The following APBA2 variants were observed in gnomAD, a reference collection of about 807,000 sequenced individuals.
APBA2 encodes the protein amyloid-beta A4 precursor protein-binding family A member 2.
In APBA2, 30 loss-of-function variants were observed where a neutral mutation model predicts 75.0. The observed-to-expected ratio is 0.40, with a 90% CI of 0.30 to 0.54. APBA2 has a LOEUF of 0.54. Ranked by LOEUF, APBA2 falls within the 20% of genes least tolerant of loss-of-function variation. APBA2 has a pLI of 0.49. For missense variants in APBA2, 801 were observed against 1,016.1 expected, an observed-to-expected ratio of 0.79 and a Z score of 2.88; for synonymous variants, 444 against 409.6, an observed-to-expected ratio of 1.08 and a Z score of -1.01.
chr15:28,936,607 T>A (rs971568628), intron 2 of APBA2, among the ~76,000 whole-genome samples: 3 of 152,232 alleles, frequency 2.0e-5, no homozygotes, highest in Admixed American at 6.5e-5. Flanking sequence ...GTGTCTCCTT[T>A]GTTCCTCTCT....
At chr15:29,084,235 G>A (rs997367214) in intron 6 of APBA2, among the ~76,000 whole-genome samples, 6 of 152,186 alleles carry the variant, frequency 3.9e-5, no homozygotes, top group Non-Finnish European at 8.8e-5. Flanking sequence ...AAACAAGAAT[G>A]ATTTTTGCTG....
chr15:29,029,529 C>T (rs1595770899), intron 3 of APBA2, among the ~76,000 whole-genome samples: 2 of 152,186 alleles, frequency 1.3e-5, no homozygotes, highest in South Asian at 4.2e-4. Flanking sequence ...TGTTTTTGTT[C>T]TTTAACTATC....
chr15:29,107,191 T>C (rs183959710), intron 12 of APBA2, among the ~76,000 whole-genome samples: 101 of 152,210 alleles, frequency 6.6e-4, no homozygotes, highest in African/African-American at 2.4e-3. Flanking sequence ...GGAAACCCCC[T>C]CAGTGCTGGT....
chr15:29,105,287 C>T (rs1162746013), intron 10 of APBA2, 92 bp from the exon 11 acceptor site: 2 of 1,320,926 alleles, frequency 1.5e-6, no homozygotes, highest in Non-Finnish European at 2.1e-6. Context: ...ATGGGTGCAT[C>T]CTGCACCCAG....
At chr15:28,941,187 T>C (rs975115596) in intron 2 of APBA2, among the ~76,000 whole-genome samples, 3 of 152,098 alleles carry the variant, frequency 2.0e-5, no homozygotes, top group African/African-American at 7.2e-5. Context: ...AGGTGGCAGG[T>C]TGGGAGGTTC....
chr15:29,001,576 A>G (rs572182615), intron 3 of APBA2, among the ~76,000 whole-genome samples: 30 of 152,310 alleles, frequency 2.0e-4, no homozygotes, highest in Admixed American at 1.8e-3. Context: ...GGGGGCGGGT[A>G]GATTGTGAGA....
At chr15:28,935,509 G>A (rs903875818) in intron 2 of APBA2, among the ~76,000 whole-genome samples, 2 of 152,224 alleles carry the variant, frequency 1.3e-5, no homozygotes, top group Admixed American at 1.3e-4. Context: ...GGCGTAGGAC[G>A]CTAGGGGGCG....
Position 29,046,319 on chromosome 15 carries a change from C to G in APBA2, c.-40-7526C>G, listed in dbSNP as rs938285856. 6.6e-6 allele frequency among the ~76,000 whole-genome samples: 1 copy of G among 152,186 alleles called. No homozygotes were observed. Among genetic ancestry groups the G allele is most frequent in the East Asian group, 1.9e-4 (1 of 5,196 alleles). On this transcript the variant is annotated intron_variant, in intron 3 of 14. Transcript: ENST00000683413. The surrounding 1 kb of genome is among the most constrained non-coding windows in gnomAD (Gnocchi z 5.0). ...TTGCCCACCTTTCCTTCTCACCTCC[C>G]CTTGGCCACACCCCACTTTTGTGTC...
chr15:29,097,030 G>A (rs1177767040), intron 8 of APBA2, among the ~76,000 whole-genome samples: 1 of 152,222 alleles, frequency 6.6e-6, no homozygotes, highest in African/African-American at 2.4e-5. Context: ...TACAGGTGAC[G>A]AATTAGGCCA....
At chr15:28,950,906 A>G (rs1424458171) in intron 2 of APBA2, among the ~76,000 whole-genome samples, 2 of 152,112 alleles carry the variant, frequency 1.3e-5, no homozygotes, top group Non-Finnish European at 2.9e-5. Context: ...TATTTATTTT[A>G]TTGCTCAAAC....
intron 3 of APBA2, among the ~76,000 whole-genome samples, chr15:29,041,761 A>C (rs1039985592): frequency 6.6e-6 from 1 of 152,188 alleles, no homozygotes; most frequent in African/African-American, 2.4e-5. Flanking sequence ...GATATTGATA[A>C]TGGGATTCTA....
intron 5 of APBA2, 23 bp downstream of exon 5, chr15:29,075,024 G>C (rs1393402274): frequency 1.3e-6 from 2 of 1,570,446 alleles, no homozygotes; most frequent in East Asian, 4.5e-5. Flanking sequence ...AAGGATGAGA[G>C]TTCTGGGCTG....
chr15:28,906,284 ACT>A (rs1337398179), intron 1 of APBA2, among the ~76,000 whole-genome samples: 2 of 152,246 alleles, frequency 1.3e-5, no homozygotes, highest in Non-Finnish European at 2.9e-5. Context: ...ACCATGGAAT[ACT>A]ATGCAGCCAT....
In APBA2 at chr15:29,018,043, G is replaced by C. The variant is rs147348070; in HGVS notation, c.-41+22237G>C. Among the ~76,000 whole-genome samples, 541 of 152,266 alleles carry C rather than the reference G, an allele frequency of 3.6e-3. 6 individuals carry two copies. Among genetic ancestry groups the C allele is most frequent in the African/African-American group, 0.012 (515 of 41,562 alleles). ...AGTGAAGCACTGAAAATTGACTGGA[G>C]TGTCTGCAACGTGGCTGCACATTAG... On this transcript the variant is annotated intron_variant, in intron 3 of 14. Coordinates refer to ENST00000683413, the MANE Select transcript of APBA2 (RefSeq NM_001353788.2).
At chr15:29,052,398 T>C (rs1036974017) in intron 3 of APBA2, among the ~76,000 whole-genome samples, 2 of 143,618 alleles carry the variant, frequency 1.4e-5, no homozygotes, top group Admixed American at 7.2e-5. Context: ...GAACTTGCAG[T>C]GAGCTGAGAT....
At chr15:29,082,109 G>C (rs535826392) in intron 6 of APBA2, among the ~76,000 whole-genome samples, 1 of 152,196 alleles carries the variant, frequency 6.6e-6, no homozygotes, top group Admixed American at 6.5e-5. Flanking sequence ...TTGATTTCAC[G>C]TGTCTTTCAT....
chr15:29,086,542 G>A (rs557395800), intron 6 of APBA2, among the ~76,000 whole-genome samples: 1 of 152,274 alleles, frequency 6.6e-6, no homozygotes, highest in African/African-American at 2.4e-5. Context: ...CCAAATTCCT[G>A]TTCTCAAGGA....
At chr15:28,906,823 T>G (rs2033156956) in intron 1 of APBA2, among the ~76,000 whole-genome samples, 2 of 152,194 alleles carry the variant, frequency 1.3e-5, no homozygotes, top group Admixed American at 6.5e-5. Flanking sequence ...TCCTTGCCTC[T>G]TTTCCTCTTG....
intron 3 of APBA2, among the ~76,000 whole-genome samples, chr15:29,010,869 C>G (rs1270431584): frequency 2.0e-5 from 3 of 152,162 alleles, no homozygotes; most frequent in African/African-American, 7.2e-5. Context: ...TAAAAAAACA[C>G]AGCATAAAAT....
Sources: gnomAD v4.1 joint callset for allele counts (sites outside exome capture counted in the v4.1 genomes callset) on GRCh38, gnomAD v4.1.1 for gene constraint, Gnocchi (gnomAD v3.1) non-coding constraint, MANE v1.5 for transcripts, NCBI Gene and HGNC (gene_info 2026-07-23, HGNC 2026-07-21) for gene names.